FGD4: variants seen among roughly 807,000 people sequenced by gnomAD.
The protein encoded by FGD4 is FYVE, RhoGEF and PH domain-containing protein 4.
FGD4 carries 42 observed loss-of-function variants against 102.0 expected under a neutral mutation model. The observed-to-expected ratio is 0.41, with a 90% CI of 0.32 to 0.53. The LOEUF (loss-of-function observed/expected upper bound fraction) is 0.53, where lower values mean the gene tolerates loss of function less well. Among genes scored for constraint, FGD4 ranks in the 20% least tolerant of loss-of-function variants. The pLI is 0.21. For missense variants in FGD4, 902 were observed against 1,078.2 expected (o/e 0.84, Z 2.29); for synonymous variants, 380 against 375.7 (o/e 1.01, Z -0.13).
intron 1 of FGD4, among the ~76,000 whole-genome samples, chr12:32,420,166 C>A (rs1941578822): frequency 6.6e-6 from 1 of 152,128 alleles, no homozygotes. Flanking sequence ...TCTTGCTCTG[C>A]CCCTGTGGCT....
At chr12:32,618,506 T>C (rs1244202525) in intron 10 of FGD4, among the ~76,000 whole-genome samples, 1 of 152,174 alleles carries the variant, frequency 6.6e-6, no homozygotes, top group Non-Finnish European at 1.5e-5. Flanking sequence ...AGGCTATTTT[T>C]TAAAAGCTTA....
At chr12:32,602,114 CAA>C in intron 6 of FGD4, 45 bp from the exon 7 acceptor site, 1 of 1,558,490 alleles carries the variant, frequency 6.4e-7, no homozygotes, top group Non-Finnish European at 8.8e-7. Context: ...GACCCTGTCT[CAA>C]AAAAAAATTT....
chr12:32,485,527 G>A (rs1012669693), intron 1 of FGD4, among the ~76,000 whole-genome samples: 19 of 139,934 alleles, frequency 1.4e-4, no homozygotes, highest in African/African-American at 3.7e-4. Flanking sequence ...TGCAAGCTCC[G>A]CCTCCCAGGT....
intron 1 of FGD4, among the ~76,000 whole-genome samples, chr12:32,549,706 G>C (rs1943500779): frequency 6.6e-6 from 1 of 152,188 alleles, no homozygotes; most frequent in African/African-American, 2.4e-5. Flanking sequence ...GGTGTGTTTA[G>C]GGACGGCTGA....
Position 32,506,968 on chromosome 12 carries a change from G to A in FGD4, c.167-57169G>A, listed in dbSNP as rs1938819516. On this transcript the variant is annotated intron_variant, in intron 1 of 16. Coordinates refer to ENST00000534526, the MANE Select transcript of FGD4 (RefSeq NM_001370298.3). The surrounding 1 kb of genome is among the most constrained non-coding windows in gnomAD (Gnocchi z 4.5). The stretch of plus-strand genomic sequence containing the variant: ...TTATACTTTAAGTTTTAGGGCACAT[G>A]TGCACAACGTGCAGGTTAGTTACAT... Among the ~76,000 whole-genome samples the A allele has an allele frequency of 1.3e-5, 2 of 152,084 alleles. No individual in the cohort carries two copies. Among genetic ancestry groups the A allele is most frequent in the South Asian group, 2.1e-4 (1 of 4,810 alleles).
intron 1 of FGD4, among the ~76,000 whole-genome samples, chr12:32,503,974 TAA>T (rs1465330901): frequency 1.3e-5 from 2 of 152,198 alleles, no homozygotes; most frequent in African/African-American, 2.4e-5. Context: ...GTAGGCTAGA[TAA>T]ATCCGTACAC....
At chr12:32,581,134 A>C (rs971532429) in intron 3 of FGD4, among the ~76,000 whole-genome samples, 1 of 152,222 alleles carries the variant, frequency 6.6e-6, no homozygotes, top group Non-Finnish European at 1.5e-5. Context: ...CCAGTGTTTT[A>C]GGAGAGATTG....
intron 1 of FGD4, among the ~76,000 whole-genome samples, chr12:32,446,376 C>T (rs1942616018): frequency 6.6e-6 from 1 of 152,000 alleles, no homozygotes; most frequent in South Asian, 2.1e-4. Flanking sequence ...AACCTGAAGC[C>T]CAATGTAACA....
intron 1 of FGD4, among the ~76,000 whole-genome samples, chr12:32,551,154 C>A (rs1943639946): frequency 6.6e-6 from 1 of 152,134 alleles, no homozygotes; most frequent in Non-Finnish European, 1.5e-5. Flanking sequence ...CTAAAGCCAG[C>A]ATGAGCAAGT....
intron 3 of FGD4, among the ~76,000 whole-genome samples, chr12:32,580,299 GC>G (rs1946500452): frequency 6.6e-6 from 1 of 151,844 alleles, no homozygotes; most frequent in South Asian, 2.1e-4. Context: ...ATTGTAAGGG[GC>G]TTCTTATAGT....
chr12:32,453,284 AGCAGAGTGGCACAGTCTTGGCTCACT>A (rs1942861884), intron 1 of FGD4, among the ~76,000 whole-genome samples: 2 of 144,874 alleles, frequency 1.4e-5, no homozygotes, highest in Admixed American at 1.4e-4. Flanking sequence ...CCCAGGCTGG[AGCAGAGTGGCACAGTCTTGGCTCACT>A]GCAGACTCCA....
intron 1 of FGD4, among the ~76,000 whole-genome samples, chr12:32,542,710 T>C (rs909008692): frequency 2.0e-5 from 3 of 152,240 alleles, no homozygotes; most frequent in Non-Finnish European, 4.4e-5. Flanking sequence ...TGCTTTTATT[T>C]CTTTCACACT....
chr12:32,556,314 T>C (rs1944118633), intron 1 of FGD4, among the ~76,000 whole-genome samples: 1 of 152,180 alleles, frequency 6.6e-6, no homozygotes. Flanking sequence ...CATTTTTAAA[T>C]GTACATTTCA....
chr12:32,484,939 G>A (rs1438692265), intron 1 of FGD4, among the ~76,000 whole-genome samples: 8 of 152,064 alleles, frequency 5.3e-5, no homozygotes, highest in Non-Finnish European at 7.4e-5. Context: ...TCACTCTGTC[G>A]CCCAGACTGA....
chr12:32,481,085 G>A (rs1943748345), intron 1 of FGD4, among the ~76,000 whole-genome samples: 1 of 125,640 alleles, frequency 8.0e-6, no homozygotes, highest in Non-Finnish European at 1.6e-5. Flanking sequence ...CTGAGATAGT[G>A]CCACTGTACT....
At chr12:32,595,475 C>T (rs1350891174) in intron 4 of FGD4, among the ~76,000 whole-genome samples, 3 of 152,154 alleles carry the variant, frequency 2.0e-5, no homozygotes, top group African/African-American at 7.2e-5. Context: ...AATGTCTTCC[C>T]ATTGGGCTCT....
At chr12:32,468,979 C>G (rs1041542490) in intron 1 of FGD4, among the ~76,000 whole-genome samples, 7 of 151,988 alleles carry the variant, frequency 4.6e-5, no homozygotes, top group African/African-American at 1.7e-4. Context: ...GCGCCTGCCA[C>G]CACACCTAGC....
chr12:32,561,075 G>T (rs74817455), intron 1 of FGD4, among the ~76,000 whole-genome samples: 40,818 of 85,120 alleles, frequency 0.48, 8,412 homozygotes, highest in South Asian at 0.59. Context: ...GTTGGGTTTT[G>T]TTTTTTTTTT....
intron 1 of FGD4, among the ~76,000 whole-genome samples, chr12:32,423,250 A>G (rs1225800552): frequency 6.6e-6 from 1 of 152,184 alleles, no homozygotes; most frequent in Non-Finnish European, 1.5e-5. Context: ...CCTCCAGGAA[A>G]GAATTCAAGA....
Sources: allele counts gnomAD v4.1 joint callset (sites outside exome capture counted in the v4.1 genomes callset), GRCh38; gene constraint gnomAD v4.1.1; non-coding constraint Gnocchi (gnomAD v3.1); transcripts MANE v1.5; gene names NCBI Gene and HGNC (gene_info 2026-07-23, HGNC 2026-07-21).